The following PCDHGB4 variants were observed in gnomAD, a reference collection of about 807,000 sequenced individuals.
PCDHGB4 encodes protocadherin gamma-B4.
In PCDHGB4, 38 loss-of-function variants were observed where a neutral mutation model predicts 60.5. The ratio of observed to expected loss-of-function variants is 0.63; its 90% CI spans 0.48 to 0.82. PCDHGB4 has a LOEUF of 0.82. PCDHGB4 is among the 40% of genes least tolerant of loss of function. The pLI is 0.00. For synonymous variants in PCDHGB4, 456 were observed against 509.7 expected, an observed-to-expected ratio of 0.89 and a Z score of 1.42; for missense variants, 1,109 against 1,209.6, an observed-to-expected ratio of 0.92 and a Z score of 1.23.
intron 1 of PCDHGB4, chr5:141,419,646 C>T (rs1433992932): frequency 6.2e-7 from 1 of 1,612,470 alleles, no homozygotes; most frequent in Admixed American, 1.7e-5. Flanking sequence ...GCCGTGGACG[C>T]GGACTCGGGG....
At chr5:141,468,755 A>G (rs918829539) in intron 1 of PCDHGB4, among the ~76,000 whole-genome samples, 3 of 151,976 alleles carry the variant, frequency 2.0e-5, no homozygotes, top group African/African-American at 7.2e-5. Flanking sequence ...AGTCCCAGCT[A>G]CTCGGGAGGC....
At chr5:141,506,682 C>T (rs1333272766) in intron 3 of PCDHGB4, among the ~76,000 whole-genome samples, 4 of 152,192 alleles carry the variant, frequency 2.6e-5, no homozygotes, top group African/African-American at 9.6e-5. Context: ...ATATTATTAT[C>T]TTTGCTGACC....
intron 1 of PCDHGB4, chr5:141,408,952 T>C (rs531696982): frequency 6.2e-7 from 1 of 1,613,544 alleles, no homozygotes; most frequent in African/African-American, 1.3e-5. Context: ...ATAGAATTAG[T>C]CTTAGTGAAA....
In PCDHGB4 at chr5:141,489,958, C is replaced by T; in HGVS notation, c.2398-4849C>T. 1 of 1,614,202 alleles carries T rather than the reference C, an allele frequency of 6.2e-7. No individual in the cohort carries two copies. The highest frequency in any genetic ancestry group is 8.5e-7 in the Non-Finnish European group (1 of 1,180,016). On this transcript the variant is annotated intron_variant, in intron 1 of 3. Transcript: ENST00000519479. This position sits in a 1 kb window ranked among gnomAD's most constrained non-coding sequence, Gnocchi z 4.5. ...CGTGCTGGACATCAATGATAATGCT[C>T]CAACCTTCCAATCCTCAGTTCTACG... is the stretch of plus-strand genomic sequence containing the variant.
At chr5:141,430,945 C>G (rs1466092130) in intron 1 of PCDHGB4, 1 of 1,609,234 alleles carries the variant, frequency 6.2e-7, no homozygotes, top group Non-Finnish European at 8.5e-7. Context: ...TCGCGGAGCG[C>G]GGAGTCCGCA....
At position 141,389,141 on chromosome 5, in the gene PCDHGB4, C is replaced by A; in HGVS notation, c.1257C>A (p.Thr419=). The A allele has an allele frequency of 1.2e-6, 2 of 1,613,998 alleles. No homozygotes were observed. Among genetic ancestry groups the A allele is most frequent in the Non-Finnish European group, 8.5e-7 (1 of 1,179,870 alleles). ...AGCAGAATCCAGAGTACAATATAAC[C>A]GTTACGGCAACAGATCGGGGCAAGC... is the stretch of plus-strand genomic sequence containing the variant. ...DREQNPEYNI[T]VTATDRGKPP... The change falls in exon 1 of 4, where the codon ACC becomes ACA. Residue 419 remains threonine, a synonymous_variant. Coordinates refer to ENST00000519479, the MANE Select transcript of PCDHGB4 (RefSeq NM_003736.4).
chr5:141,418,153 G>A (rs1561771797), intron 1 of PCDHGB4: 2 of 1,614,086 alleles, frequency 1.2e-6, no homozygotes, highest in East Asian at 2.2e-5. Context: ...TATGCAAAGA[G>A]AGAAGAAGAT....
At chr5:141,480,702 C>T (rs1455955207) in intron 1 of PCDHGB4, among the ~76,000 whole-genome samples, 1 of 152,170 alleles carries the variant, frequency 6.6e-6, no homozygotes, top group African/African-American at 2.4e-5. Context: ...AGGCCACACC[C>T]CGACAAATGA....
chr5:141,482,000 G>A (rs1421859839), intron 1 of PCDHGB4, among the ~76,000 whole-genome samples: 8 of 150,854 alleles, frequency 5.3e-5, no homozygotes, highest in East Asian at 1.9e-4. Flanking sequence ...CAGGAGAATC[G>A]CTTTATCTCA....
At chr5:141,419,411 C>T (rs757881409) in intron 1 of PCDHGB4, 7 of 1,613,344 alleles carry the variant, frequency 4.3e-6, no homozygotes, top group Non-Finnish European at 5.9e-6. Flanking sequence ...GTTCGCGCAG[C>T]GCGCCTTCGA....
intron 2 of PCDHGB4, among the ~76,000 whole-genome samples, chr5:141,498,976 GGAAGGAAGGAAGGAA>G (rs1562186940): frequency 1.5e-4 from 2 of 13,010 alleles, no homozygotes; most frequent in Admixed American, 2.9e-3. Context: ...AGGGAGGGAA[GGAAGGAAGGAAGGAA>G]GGAAGGAAGG....
rs1562059777 is a variant in PCDHGB4, at chr5:141,477,098, G to C, written c.2398-17709G>C. 6.2e-7 allele frequency: 1 copy of C among 1,614,242 alleles called. No individual in the cohort carries two copies. Among genetic ancestry groups the C allele is most frequent in the Non-Finnish European group, 8.5e-7 (1 of 1,180,046 alleles). ...GATTTACATCCAGGCCAAAGACAAG[G>C]GCGCCAATCCCGAAGGAGCACATTG... On this transcript the variant is annotated intron_variant, in intron 1 of 3. Transcript: ENST00000519479. This position sits in a 1 kb window ranked among gnomAD's most constrained non-coding sequence, Gnocchi z 4.9.
chr5:141,473,254 T>C (rs1203765731), intron 1 of PCDHGB4, among the ~76,000 whole-genome samples: 5 of 152,152 alleles, frequency 3.3e-5, no homozygotes, highest in African/African-American at 4.8e-5. Context: ...ACATATATAG[T>C]CCTTAGTGTA....
intron 1 of PCDHGB4, among the ~76,000 whole-genome samples, chr5:141,443,369 C>T (rs1403494558): frequency 6.6e-6 from 1 of 151,848 alleles, no homozygotes; most frequent in African/African-American, 2.4e-5. Context: ...CCTGTGGTCT[C>T]AGCTACTTGG....
chr5:141,490,051 G>T lies in PCDHGB4; in HGVS notation c.2398-4756G>T, dbSNP rs779280988. On this transcript the variant is annotated intron_variant, in intron 1 of 3. Coordinates refer to ENST00000519479, the MANE Select transcript of PCDHGB4 (RefSeq NM_003736.4). The surrounding 1 kb of genome is among the most constrained non-coding windows in gnomAD (Gnocchi z 5.4). ...CCGCCTCAATGCCACTGATCCAGACGAGGGCACCAACGGCCAACTAGACTA... is the reference window on the plus strand; with the variant it reads ...CCGCCTCAATGCCACTGATCCAGACTAGGGCACCAACGGCCAACTAGACTA... 3 of 1,614,214 alleles carry T rather than the reference G, an allele frequency of 1.9e-6. No homozygotes were observed. The Middle Eastern group carries it at 4.9e-4, about 266-fold the overall frequency.
chr5:141,392,774 C>G (rs752798314), intron 1 of PCDHGB4: 1 of 1,520,452 alleles, frequency 6.6e-7, no homozygotes, highest in East Asian at 2.3e-5. Context: ...CCCATTTATG[C>G]ACAGTGAAGA....
intron 1 of PCDHGB4, among the ~76,000 whole-genome samples, chr5:141,447,805 G>A (rs1389870133): frequency 2.0e-5 from 3 of 152,064 alleles, no homozygotes; most frequent in Admixed American, 2.0e-4. Context: ...AATAAAATTG[G>A]CTGGGCGTGG....
Position 141,483,381 on chromosome 5 carries a change from G to T in PCDHGB4, c.2398-11426G>T, listed in dbSNP as rs147887550. ...AAGCTATTGCAATATTTGAAGAGAA[G>T]ATTGATAAATGCTTGAACCAGCACA... On this transcript the variant is annotated intron_variant, in intron 1 of 3. Transcript: ENST00000519479. 2.0e-3 allele frequency among the ~76,000 whole-genome samples: 305 copies of T among 152,292 alleles called. 2 individuals are homozygous for T. Among genetic ancestry groups the T allele is most frequent in the African/African-American group, 6.9e-3 (286 of 41,558 alleles).
rs370995300 is a variant in PCDHGB4, at chr5:141,399,359, C to T, written c.2397+9078C>T. ...GATGGAACCCTAGACCGAGAGCAAACCCCGGAGTACAATGTCACCATCACA... is the reference window on the plus strand; with the variant it reads ...GATGGAACCCTAGACCGAGAGCAAATCCCGGAGTACAATGTCACCATCACA... On this transcript the variant is annotated intron_variant, in intron 1 of 3. Coordinates refer to ENST00000519479, the MANE Select transcript of PCDHGB4 (RefSeq NM_003736.4). 2.6e-4 allele frequency: 427 copies of T among 1,613,884 alleles called. No individual in the cohort carries two copies. The highest frequency in any genetic ancestry group is 1.2e-4 in the Non-Finnish European group (140 of 1,179,916).
Sources: allele counts gnomAD v4.1 joint callset (sites outside exome capture counted in the v4.1 genomes callset), GRCh38; gene constraint gnomAD v4.1.1; non-coding constraint Gnocchi (gnomAD v3.1); transcripts MANE v1.5; gene names NCBI Gene and HGNC (gene_info 2026-07-23, HGNC 2026-07-21).